IQSEC1: variants seen among roughly 807,000 people sequenced by gnomAD.
The protein encoded by IQSEC1 is IQ motif and SEC7 domain-containing protein 1.
A neutral mutation model predicts 91.0 loss-of-function variants in IQSEC1; 31 were observed. The observed-to-expected ratio is 0.34, with a 90% CI of 0.26 to 0.46. IQSEC1 has a LOEUF of 0.46. IQSEC1 is among the 20% of genes least tolerant of loss of function. The pLI is 1.00. For missense variants in IQSEC1, 1,388 were observed against 1,575.6 expected (o/e 0.88, Z 2.02); for synonymous variants, 699 against 662.6 (o/e 1.05, Z -0.84).
rs145775458 is a variant in IQSEC1 at position 13,050,257 on chromosome 3, G to A, written c.23+22735C>T. ...AGACTGAGGCCTTGTTCTCCCTGCC[G>A]TCCTTTTTCATCACTCAGCACAGCA... On this transcript the variant is annotated intron_variant, in intron 1 of 13. Transcript: ENST00000613206. Among the ~76,000 whole-genome samples, 377 of 152,122 alleles carry A rather than the reference G, an allele frequency of 2.5e-3. 1 individual carries two copies. The highest frequency in any genetic ancestry group is 4.4e-3 in the Non-Finnish European group (300 of 68,002).
intron 1 of IQSEC1, among the ~76,000 whole-genome samples, chr3:13,016,877 C>T (rs891004857): frequency 6.6e-6 from 1 of 152,176 alleles, no homozygotes; most frequent in African/African-American, 2.4e-5. Context: ...ATTTTCATCA[C>T]TCAAAAAGAA....
chr3:13,263,589 C>T (rs1008139766), intron 1 of IQSEC1, among the ~76,000 whole-genome samples: 17 of 152,056 alleles, frequency 1.1e-4, no homozygotes, highest in African/African-American at 3.4e-4. Context: ...ATTGCAGGCA[C>T]GCGCCACCAC....
rs746751727 is a variant in IQSEC1, at chr3:12,922,294, G to A, written c.1731-52C>T. The A allele has an allele frequency of 2.1e-5, 31 of 1,473,518 alleles. No homozygotes were observed. Among genetic ancestry groups the A allele is most frequent in the Admixed American group, 2.1e-4 (10 of 48,276 alleles). The allele number at this position is 1,473,518 out of a possible 1,614,324, so 91.3% of individuals were successfully genotyped here. On this transcript the variant is annotated intron_variant, in intron 4 of 13. Coordinates refer to ENST00000613206, the MANE Select transcript of IQSEC1 (RefSeq NM_001134382.3). The surrounding 1 kb of genome is among the most constrained non-coding windows in gnomAD (Gnocchi z 5.1). Reference sequence around the variant, plus strand: ...TAAGCACCCCTTGCAGGTGCGACACGCCCAGCCCACCCCCAGGTGGTGGTG... The same window carrying A: ...TAAGCACCCCTTGCAGGTGCGACACACCCAGCCCACCCCCAGGTGGTGGTG...
intron 1 of IQSEC1, among the ~76,000 whole-genome samples, chr3:13,184,524 C>T (rs1693898539): frequency 6.6e-6 from 1 of 152,242 alleles, no homozygotes; most frequent in South Asian, 2.1e-4. Context: ...GGTGTTTTCC[C>T]CTAAGATCGA....
chr3:13,097,018 G>A lies in IQSEC1; in HGVS notation c.303-49496C>T, dbSNP rs1298749852. Among the ~76,000 whole-genome samples, 6 of 152,062 alleles carry A rather than the reference G, an allele frequency of 3.9e-5. No individual in the cohort carries two copies. In the South Asian group the frequency reaches 6.2e-4, roughly 16 times the overall value. On this transcript the variant is annotated intron_variant, in intron 2 of 15. Coordinates refer to the IQSEC1 transcript ENST00000648114. ...TGGGACTACAGGCGCCCGCCACCAC[G>A]CCTGGCTAATTTTTTGTATTTTTAG...
intron 1 of IQSEC1, among the ~76,000 whole-genome samples, chr3:12,952,030 T>C (rs1383947435): frequency 6.6e-6 from 1 of 152,090 alleles, no homozygotes; most frequent in Non-Finnish European, 1.5e-5. Flanking sequence ...AAACATCCCA[T>C]GTGACTTCCG....
intron 1 of IQSEC1, among the ~76,000 whole-genome samples, chr3:13,243,871 C>T (rs17037956): frequency 0.011 from 1,629 of 152,332 alleles, 31 homozygotes; most frequent in African/African-American, 0.037. Context: ...CTTCGCTGTG[C>T]GACTCCTGGC....
In IQSEC1 at chr3:13,168,400, A is replaced by T. The variant is rs139898186; in HGVS notation, c.273-4267T>A. Among the ~76,000 whole-genome samples, 988 of 152,226 alleles carry T rather than the reference A, an allele frequency of 6.5e-3. 1 individual carries two copies. The highest frequency in any genetic ancestry group is 0.011 in the Non-Finnish European group (721 of 68,012). On this transcript the variant is annotated intron_variant, in intron 1 of 15. Transcript: ENST00000648114. ...CATTTTTTTATACAGTGGAAATGAC[A>T]GTTTACATCAGTCTATGCCCGTCTT...
intron 1 of IQSEC1, among the ~76,000 whole-genome samples, chr3:13,172,149 G>A (rs1693628685): frequency 6.6e-6 from 1 of 152,328 alleles, no homozygotes; most frequent in Non-Finnish European, 1.5e-5. Flanking sequence ...AATAGCATTT[G>A]AGGGATAAAC....
chr3:12,973,266 G>A (rs561153601), intron 1 of IQSEC1, among the ~76,000 whole-genome samples: 1 of 152,252 alleles, frequency 6.6e-6, no homozygotes, highest in African/African-American at 2.4e-5. Context: ...CTCCCAGAAT[G>A]CACCCTGCAC....
At chr3:13,273,729 C>T (rs1427566796) in intron 1 of IQSEC1, among the ~76,000 whole-genome samples, 1 of 152,140 alleles carries the variant, frequency 6.6e-6, no homozygotes, top group African/African-American at 2.4e-5. Context: ...GACCTAAGTC[C>T]CATCACTTCC....
At chr3:13,134,569 T>C (rs565796624) in intron 2 of IQSEC1, among the ~76,000 whole-genome samples, 34 of 152,378 alleles carry the variant, frequency 2.2e-4, no homozygotes, top group African/African-American at 8.2e-4. Flanking sequence ...AGCCCAGATC[T>C]ATGGCCTTTG....
At chr3:13,037,571 T>C (rs920708749) in intron 1 of IQSEC1, among the ~76,000 whole-genome samples, 1 of 152,200 alleles carries the variant, frequency 6.6e-6, no homozygotes, top group Non-Finnish European at 1.5e-5. Context: ...CCCATGTTCA[T>C]AGCAGCACTA....
At chr3:13,242,847 G>A (rs1052254297) in intron 1 of IQSEC1, among the ~76,000 whole-genome samples, 1 of 152,100 alleles carries the variant, frequency 6.6e-6, no homozygotes, top group Non-Finnish European at 1.5e-5. Flanking sequence ...TGGAGCAAAG[G>A]GAGAGAGGGA....
chr3:13,171,225 T>C (rs73029490), intron 1 of IQSEC1, among the ~76,000 whole-genome samples: 1 of 152,270 alleles, frequency 6.6e-6, no homozygotes, highest in Non-Finnish European at 1.5e-5. Context: ...TCTCACGTGA[T>C]ACAGGGAAAC....
intron 12 of IQSEC1, among the ~76,000 whole-genome samples, chr3:12,906,967 G>A (rs1400393558): frequency 6.6e-6 from 1 of 152,220 alleles, no homozygotes; most frequent in Non-Finnish European, 1.5e-5. Context: ...AACCAGGGAT[G>A]ATTCTGTCCC....
At chr3:12,928,076 T>G (rs940160954) in intron 3 of IQSEC1, among the ~76,000 whole-genome samples, 1 of 152,144 alleles carries the variant, frequency 6.6e-6, no homozygotes, top group Admixed American at 6.5e-5. Context: ...AGCGATGCCA[T>G]GCTGGGGAGA....
chr3:13,241,628 C>T (rs1490947255), intron 1 of IQSEC1, among the ~76,000 whole-genome samples: 2 of 152,244 alleles, frequency 1.3e-5, no homozygotes, highest in Admixed American at 1.3e-4. Context: ...ATGTCCCCAC[C>T]GTTCATGACA....
chr3:13,226,868 C>A (rs1299136777), intron 1 of IQSEC1, among the ~76,000 whole-genome samples: 1 of 144,300 alleles, frequency 6.9e-6, no homozygotes. Flanking sequence ...GGGAGACCCC[C>A]AGGTCTCTGC....
Sources: gnomAD v4.1 joint callset for allele counts (sites outside exome capture counted in the v4.1 genomes callset) on GRCh38, gnomAD v4.1.1 for gene constraint, Gnocchi (gnomAD v3.1) non-coding constraint, MANE v1.5 for transcripts, NCBI Gene and HGNC (gene_info 2026-07-23, HGNC 2026-07-21) for gene names.